Variants in RECQL5 observed in about 807,000 individuals in gnomAD.
RECQL5 encodes RecQ like helicase 5.
A neutral mutation model predicts 103.4 loss-of-function variants in RECQL5; 88 were observed. The ratio of observed to expected loss-of-function variants is 0.85; its 90% CI spans 0.72 to 1.02. RECQL5 has a LOEUF of 1.02. Ranked by LOEUF, RECQL5 falls within the 50% of genes least tolerant of loss-of-function variation. RECQL5 has a pLI of 0.00. For missense variants in RECQL5, 1,232 were observed against 1,284.3 expected (o/e 0.96, Z 0.62); for synonymous variants, 552 against 507.9 (o/e 1.09, Z -1.17).
At chr17:75,641,049 G>T (rs571502731) in intron 8 of RECQL5, 28 of 1,365,466 alleles carry the variant, frequency 2.1e-5, no homozygotes, top group Non-Finnish European at 2.6e-5. Context: ...CTGACAACTT[G>T]AGCCCTACCA....
rs1162052888 is a variant in RECQL5 at position 75,630,772 on chromosome 17, C to G, written c.1644+7G>C. 6.4e-7 allele frequency: 1 copy of G among 1,568,730 alleles called. No homozygotes were observed. The highest frequency in any genetic ancestry group is 8.6e-7 in the Non-Finnish European group (1 of 1,156,794). The stretch of plus-strand genomic sequence containing the variant: ...GGCGGGTGGCTGAGGAGCTGCCCGT[C>G]TCTTACCTTCACAGTCAGCCTGGGG... On this transcript the variant is annotated splice_region_variant and intron_variant, in intron 12 of 19. Coordinates refer to ENST00000317905, the MANE Select transcript of RECQL5 (RefSeq NM_004259.7).
chr17:75,628,432 T>C lies in RECQL5; in HGVS notation c.2591A>G (p.Glu864Gly), dbSNP rs778210048. 36 of 1,613,360 alleles carry C rather than the reference T, an allele frequency of 2.2e-5. No individual in the cohort carries two copies. Among genetic ancestry groups the C allele is most frequent in the Non-Finnish European group, 1.0e-5 (12 of 1,179,984 alleles). The change falls in exon 18 of 20, where the codon GAG (glutamate) becomes GGG (glycine). Residue 864 changes from glutamate to glycine, a missense_variant. Transcript: ENST00000317905. Reference sequence around the variant, plus strand: ...GCGTGGCCTCTTCTGAGGCTGGCTCTCTGGGTTCTCCTGAGAAGGGCCACA... The same window carrying C: ...GCGTGGCCTCTTCTGAGGCTGGCTCCCTGGGTTCTCCTGAGAAGGGCCACA... The part of the protein sequence containing the change: ...KRPRSQQENP[E>G]SQPQKRPRPS...
chr17:75,665,858 C>G (rs1427520171), intron 2 of RECQL5, among the ~76,000 whole-genome samples: 1 of 152,166 alleles, frequency 6.6e-6, no homozygotes, highest in African/African-American at 2.4e-5. Context: ...TATTACATTG[C>G]TGCTCGCCTC....
chr17:75,657,640 G>A (rs1314215036), intron 7 of RECQL5, among the ~76,000 whole-genome samples: 1 of 151,516 alleles, frequency 6.6e-6, no homozygotes, highest in Non-Finnish European at 1.5e-5. Flanking sequence ...TGTGGTCCCA[G>A]CTACTCAAGG....
chr17:75,631,929 C>T (rs1220762426), intron 8 of RECQL5, among the ~76,000 whole-genome samples: 2 of 152,368 alleles, frequency 1.3e-5, no homozygotes, highest in African/African-American at 4.8e-5. Context: ...GTGAACCCCA[C>T]TCTGTCCAGT....
intron 18 of RECQL5, 104 bp from the exon 19 acceptor site, chr17:75,627,796 G>A (rs1439889960): frequency 1.3e-5 from 13 of 971,500 alleles, no homozygotes; most frequent in Non-Finnish European, 4.7e-6. Flanking sequence ...GAGGCGGGCG[G>A]ATCATGAGGT....
chr17:75,666,505 C>T lies in RECQL5; in HGVS notation c.53G>A (p.Ser18Asn), dbSNP rs1380450414. 2.5e-6 allele frequency: 4 copies of T among 1,614,170 alleles called. No homozygotes were observed. Among genetic ancestry groups the T allele is most frequent in the Non-Finnish European group, 3.4e-6 (4 of 1,180,028 alleles). The stretch of plus-strand genomic sequence containing the variant: ...AAACCCAAAGACCTTCTTCAGCGTA[C>T]TCCGGACTCGCCGCTCAGGGTCAAA... ...FPFDPERRVR[S>N]TLKKVFGFDS... Residue 18 changes from serine (S) to asparagine (N), a missense_variant, in exon 2 of 20, where the codon AGT becomes AAT. Ser to Asn is a conservative substitution (Grantham distance 46). Coordinates refer to ENST00000317905, the MANE Select transcript of RECQL5 (RefSeq NM_004259.7).
chr17:75,661,180 C>T, intron 5 of RECQL5, 114 bp from the exon 6 acceptor site: 1 of 790,952 alleles, frequency 1.3e-6, no homozygotes, highest in Non-Finnish European at 2.2e-6. Context: ...GAATCTTTCA[C>T]TTCCCAGCTG....
intron 9 of RECQL5, 76 bp downstream of exon 9, chr17:75,631,374 C>T (rs367630679): frequency 6.4e-7 from 1 of 1,556,310 alleles, no homozygotes; most frequent in South Asian, 1.1e-5. Context: ...ATCGTGCCAC[C>T]TCTGGTCTGG....
At chr17:75,647,360 C>G in intron 8 of RECQL5, 1 of 1,541,982 alleles carries the variant, frequency 6.5e-7, no homozygotes, top group Non-Finnish European at 8.8e-7. Context: ...TCCTCTGTCC[C>G]TCTTTTCCAG....
Position 75,631,163 on chromosome 17 carries a change from A to G in RECQL5, c.1535T>C (p.Met512Thr). The G allele has an allele frequency of 6.2e-7, 1 of 1,613,862 alleles. No individual in the cohort carries two copies. The highest frequency in any genetic ancestry group is 1.1e-5 in the South Asian group (1 of 91,086). The change falls in exon 10 of 20, where the codon ATG (methionine) becomes ACG (threonine). Residue 512 changes from methionine (M) to threonine (T), a missense_variant. Met to Thr is a moderately conservative substitution (Grantham distance 81). Coordinates refer to ENST00000317905, the MANE Select transcript of RECQL5 (RefSeq NM_004259.7). ...REWNLFYQKQ[M>T]QLRKGKDPKI... ...GCCTCCCCTCACCTTGCGCAGCTGC[A>G]TCTGCTTCTGATAGAAGAGGTTCCA... is the stretch of plus-strand genomic sequence containing the variant.
chr17:75,640,997 C>A lies in RECQL5; in HGVS notation c.1230-9329G>T. 1 of 1,487,558 alleles carries A rather than the reference C, an allele frequency of 6.7e-7. No homozygotes were observed. The highest frequency in any genetic ancestry group is 9.0e-7 in the Non-Finnish European group (1 of 1,115,286). 92.1% of individuals were successfully genotyped at this position (1,487,558 alleles called of 1,614,324 possible). A position where few individuals can be genotyped will look rare whatever the true frequency, so the allele number is the denominator to read the frequency against. ...GCAGCCCTTACCCCTCAAGACCAGG[C>A]TCCCCTGGCCCCAGCTCTGGCCCAG... On this transcript the variant is annotated intron_variant, in intron 8 of 19. Transcript: ENST00000317905. The surrounding 1 kb of genome is among the most constrained non-coding windows in gnomAD (Gnocchi z 4.6).
intron 8 of RECQL5, among the ~76,000 whole-genome samples, chr17:75,646,983 G>A (rs770469136): frequency 6.6e-6 from 1 of 152,222 alleles, no homozygotes; most frequent in African/African-American, 2.4e-5. Flanking sequence ...ATGTTTGGCA[G>A]TTGGGGCAGG....
chr17:75,650,855 C>T (rs2059546232), intron 8 of RECQL5: 4 of 1,468,132 alleles, frequency 2.7e-6, no homozygotes, highest in Non-Finnish European at 3.6e-6. Context: ...AGCTCGGTGG[C>T]ACATGATGAC....
At position 75,640,678 on chromosome 17, in the gene RECQL5, T is replaced by G; in HGVS notation, c.1230-9010A>C. 2 of 1,478,810 alleles carry G rather than the reference T, an allele frequency of 1.4e-6. No homozygotes were observed. The highest frequency in any genetic ancestry group is 1.8e-6 in the Non-Finnish European group (2 of 1,111,330). 91.6% of individuals were successfully genotyped at this position (1,478,810 alleles called of 1,614,324 possible). A position where few individuals can be genotyped will look rare whatever the true frequency, so the allele number is the denominator to read the frequency against. ...ACCAGCCTCTCGGATCTTTCTGACCTCCACCAAACCTGTGGGGGAAAGACC... is the reference window on the plus strand; with the variant it reads ...ACCAGCCTCTCGGATCTTTCTGACCGCCACCAAACCTGTGGGGGAAAGACC... On this transcript the variant is annotated intron_variant, in intron 8 of 19. Coordinates refer to ENST00000317905, the MANE Select transcript of RECQL5 (RefSeq NM_004259.7). This position sits in a 1 kb window ranked among gnomAD's most constrained non-coding sequence, Gnocchi z 4.6.
intron 7 of RECQL5, among the ~76,000 whole-genome samples, chr17:75,657,679 G>C (rs2059642039): frequency 6.6e-6 from 1 of 150,466 alleles, no homozygotes; most frequent in Non-Finnish European, 1.5e-5. Context: ...CCAGGAGTTA[G>C]AGGCTGCTGT....
intron 6 of RECQL5, among the ~76,000 whole-genome samples, chr17:75,659,175 C>A (rs982787496): frequency 1.3e-5 from 2 of 152,154 alleles, no homozygotes; most frequent in African/African-American, 2.4e-5. Flanking sequence ...GATTCTCCTG[C>A]CTCAGCCTCC....
intron 2 of RECQL5, among the ~76,000 whole-genome samples, chr17:75,665,864 G>A (rs1004276145): frequency 1.3e-5 from 2 of 152,068 alleles, no homozygotes; most frequent in Admixed American, 6.5e-5. Context: ...ATTGCTGCTC[G>A]CCTCTTGGCA....
chr17:75,630,752 G>C (rs773221828), intron 12 of RECQL5, 27 bp downstream of exon 12: 2 of 1,589,058 alleles, frequency 1.3e-6, no homozygotes, highest in South Asian at 2.2e-5. Flanking sequence ...GCCCCGGCGG[G>C]TGGCTGAGGA....
Sources: gnomAD v4.1 joint callset for allele counts (sites outside exome capture counted in the v4.1 genomes callset) on GRCh38, gnomAD v4.1.1 for gene constraint, Gnocchi (gnomAD v3.1) non-coding constraint, MANE v1.5 for transcripts, NCBI Gene and HGNC (gene_info 2026-07-23, HGNC 2026-07-21) for gene names.